The following CBLB variants were observed in gnomAD, a reference collection of about 807,000 sequenced individuals.
CBLB encodes the protein E3 ubiquitin-protein ligase CBL-B.
Under a neutral mutation model 104.9 loss-of-function variants are expected in CBLB, and 31 were observed. The observed-to-expected ratio is 0.30, with a 90% CI of 0.22 to 0.40. CBLB has a LOEUF of 0.40. Ranked by LOEUF, CBLB falls within the 10% of genes least tolerant of loss-of-function variation. The pLI is 1.00. For synonymous variants in CBLB, 440 were observed against 422.6 expected (o/e 1.04, Z -0.51); for missense variants, 1,062 against 1,214.6 (o/e 0.87, Z 1.87).
intron 4 of CBLB, among the ~76,000 whole-genome samples, chr3:105,769,804 T>C (rs2078645522): frequency 6.6e-6 from 1 of 152,234 alleles, no homozygotes; most frequent in Non-Finnish European, 1.5e-5. Context: ...TTAATATTCA[T>C]GCAAACACTT....
intron 3 of CBLB, among the ~76,000 whole-genome samples, chr3:105,822,433 ACTCT>A (rs891699864): frequency 6.6e-6 from 1 of 151,926 alleles, no homozygotes; most frequent in African/African-American, 2.4e-5. Flanking sequence ...ACTAACCGGT[ACTCT>A]CTATTTTGGG....
chr3:105,696,215 T>C (rs751555838), intron 12 of CBLB, among the ~76,000 whole-genome samples: 90 of 151,720 alleles, frequency 5.9e-4, no homozygotes, highest in Non-Finnish European at 1.3e-4. Flanking sequence ...AGTTCTTTCC[T>C]AATTAGTAGA....
chr3:105,791,198 A>C (rs1350222965), intron 3 of CBLB, among the ~76,000 whole-genome samples: 1 of 152,196 alleles, frequency 6.6e-6, no homozygotes, highest in African/African-American at 2.4e-5. Context: ...TGAGAAAACA[A>C]GCAAAAGAAA....
chr3:105,679,445 C>T (rs917003255), intron 16 of CBLB, among the ~76,000 whole-genome samples: 4 of 149,960 alleles, frequency 2.7e-5, no homozygotes, highest in South Asian at 2.1e-4. Context: ...TAAAAATTCA[C>T]ACTTTTAAGT....
In CBLB at chr3:105,704,242, T is replaced by C. The variant is rs1220840836; in HGVS notation, c.1408-69A>G. On this transcript the variant is annotated intron_variant, in intron 10 of 18. Transcript: ENST00000394030. The stretch of plus-strand genomic sequence containing the variant: ...CAGAGTGTTCTCTGTTCTTAAAGAA[T>C]ATATTTGGTTGGAAGAAGGTTTCTG... 3.4e-6 allele frequency: 5 copies of C among 1,470,658 alleles called. No homozygotes were observed. The Middle Eastern group carries it at 6.2e-4, about 182-fold the overall frequency. 91.1% of individuals were successfully genotyped at this position (1,470,658 alleles called of 1,614,324 possible).
At chr3:105,789,007 C>T (rs774571535) in intron 3 of CBLB, among the ~76,000 whole-genome samples, 1 of 152,176 alleles carries the variant, frequency 6.6e-6, no homozygotes, top group Non-Finnish European at 1.5e-5. Context: ...GACCTTCCAG[C>T]TGAACTAGCA....
chr3:105,747,321 A>G (rs2076204440), intron 5 of CBLB, among the ~76,000 whole-genome samples: 1 of 152,228 alleles, frequency 6.6e-6, no homozygotes, highest in South Asian at 2.1e-4. Context: ...CATCCTAGAC[A>G]TGATTACTGG....
chr3:105,830,757 A>C (rs1228450124), intron 3 of CBLB, among the ~76,000 whole-genome samples: 1 of 152,238 alleles, frequency 6.6e-6, no homozygotes, highest in Non-Finnish European at 1.5e-5. Flanking sequence ...TGTGAAGTAC[A>C]ATGTCTACTT....
chr3:105,814,109 C>T (rs972841859), intron 3 of CBLB, among the ~76,000 whole-genome samples: 2 of 151,800 alleles, frequency 1.3e-5, no homozygotes, highest in African/African-American at 4.8e-5. Context: ...GTTTTTATGC[C>T]CAAACACTCA....
chr3:105,670,656 T>A (rs2064972864), intron 17 of CBLB: 1 of 351,518 alleles, frequency 2.8e-6, no homozygotes, highest in Non-Finnish European at 5.3e-6. Flanking sequence ...TTTTATTTTC[T>A]GTCCCAATCC....
intron 3 of CBLB, among the ~76,000 whole-genome samples, chr3:105,809,323 T>C (rs1271301265): frequency 1.3e-5 from 2 of 152,184 alleles, no homozygotes; most frequent in African/African-American, 4.8e-5. Context: ...ATTATTAACA[T>C]AGACTGAATG....
intron 2 of CBLB, among the ~76,000 whole-genome samples, chr3:105,865,199 AAG>A (rs1477666771): frequency 1.3e-5 from 2 of 152,188 alleles, no homozygotes; most frequent in Non-Finnish European, 2.9e-5. Context: ...AGATAAACAA[AAG>A]AGGGGGATGT....
chr3:105,796,028 G>A (rs1007499228), intron 3 of CBLB, among the ~76,000 whole-genome samples: 10 of 151,908 alleles, frequency 6.6e-5, no homozygotes, highest in Middle Eastern at 3.2e-3. Flanking sequence ...GGCCAACACC[G>A]TGATTTTTTA....
intron 2 of CBLB, among the ~76,000 whole-genome samples, chr3:105,862,859 T>C: frequency 6.6e-6 from 1 of 152,054 alleles, no homozygotes; most frequent in South Asian, 2.1e-4. Context: ...CAGCACCTCC[T>C]CCATGCTTCA....
At chr3:105,767,304 T>G (rs546833946) in intron 4 of CBLB, among the ~76,000 whole-genome samples, 2 of 152,238 alleles carry the variant, frequency 1.3e-5, no homozygotes, top group South Asian at 4.1e-4. Context: ...CTAGTTAATA[T>G]GCTAGAAGAA....
chr3:105,681,393 G>C, intron 16 of CBLB, 86 bp downstream of exon 16: 1 of 1,409,456 alleles, frequency 7.1e-7, no homozygotes, highest in Non-Finnish European at 1.0e-6. Context: ...CAGTGAGTCT[G>C]TGTTATACTG....
chr3:105,854,041 T>C (rs1413881780), intron 2 of CBLB, among the ~76,000 whole-genome samples: 1 of 152,226 alleles, frequency 6.6e-6, no homozygotes, highest in East Asian at 1.9e-4. Flanking sequence ...CACATTTATA[T>C]GTTATTTTAC....
At chr3:105,830,619 T>C (rs1283511546) in intron 3 of CBLB, among the ~76,000 whole-genome samples, 1 of 152,222 alleles carries the variant, frequency 6.6e-6, no homozygotes, top group Non-Finnish European at 1.5e-5. Context: ...ATTTACAGTC[T>C]AATATTAAGT....
Position 105,655,675 on chromosome 3 carries a change from G to T in CBLB, c.*3295C>A. The stretch of plus-strand genomic sequence containing the variant: ...TTCACTCTATTGGTGTCTTTGTCTG[G>T]AAAACTTTCCCAGAATCACTAAAAT... On this transcript the variant is annotated 3_prime_UTR_variant, in exon 19 of 19. Coordinates refer to ENST00000394030, the MANE Select transcript of CBLB (RefSeq NM_170662.5). 1 of 198,160 alleles carries T rather than the reference G, an allele frequency of 5.0e-6. No individual in the cohort carries two copies. The highest frequency in any genetic ancestry group is 2.3e-5 in the African/African-American group (1 of 43,530). 12.3% of individuals were successfully genotyped at this position (198,160 alleles called of 1,614,324 possible).
Sources: gnomAD v4.1 joint callset for allele counts (sites outside exome capture counted in the v4.1 genomes callset) on GRCh38, gnomAD v4.1.1 for gene constraint, MANE v1.5 for transcripts, NCBI Gene and HGNC (gene_info 2026-07-23, HGNC 2026-07-21) for gene names.